Variants in PSMF1 observed in about 807,000 individuals in gnomAD.
PSMF1 encodes the protein proteasome inhibitor PI31 subunit.
Under a neutral mutation model 29.3 loss-of-function variants are expected in PSMF1, and 30 were observed. The observed-to-expected ratio is 1.02, with a 90% confidence interval of 0.77 to 1.39. The LOEUF is 1.39. Ranked by LOEUF, PSMF1 falls within the 40% of genes most tolerant of loss-of-function variation. The pLI, the probability that PSMF1 is intolerant of heterozygous loss-of-function variation, is 0.00. For missense variants in PSMF1, 344 were observed against 357.5 expected (o/e 0.96, Z 0.31); for synonymous variants, 134 against 139.7 (o/e 0.96, Z 0.29).
Position 1,164,578 on chromosome 20 carries a change from G to C in PSMF1, c.764+102G>C. On this transcript the variant is annotated intron_variant, in intron 6 of 6. Coordinates refer to ENST00000335877, the MANE Select transcript of PSMF1 (RefSeq NM_006814.5). This position sits in a 1 kb window ranked among gnomAD's most constrained non-coding sequence, Gnocchi z 4.1. ...TAGCCCCAGGCACAGAGCTGCCGCT[G>C]CCTTCACCTGTTGCTGCCAGGAGAG... 6.8e-7 allele frequency: 1 copy of C among 1,464,596 alleles called. No homozygotes were observed. Among genetic ancestry groups the C allele is most frequent in the Non-Finnish European group, 9.3e-7 (1 of 1,071,122 alleles). The allele number at this position is 1,464,596 out of a possible 1,614,324, so 90.7% of individuals were successfully genotyped here.
At chr20:1,129,320 T>C (rs889961139) in intron 3 of PSMF1, among the ~76,000 whole-genome samples, 4 of 152,210 alleles carry the variant, frequency 2.6e-5, no homozygotes, top group Non-Finnish European at 4.4e-5. Flanking sequence ...GGCATCACTA[T>C]AAATGCACAG....
rs1251006216 is a variant in PSMF1, at chr20:1,147,142, A to ATCG, written c.551+11838_551+11839insGTC. Among the ~76,000 whole-genome samples, 29 of 94,660 alleles carry ATCG rather than the reference A, an allele frequency of 3.1e-4. 1 individual carries two copies. The South Asian group carries it at 0.01, about 33-fold the overall frequency. The allele number at this position is 94,660 out of a possible 152,430, so 62.1% of individuals were successfully genotyped here. On this transcript the variant is annotated intron_variant, in intron 4 of 6. Coordinates refer to ENST00000335877, the MANE Select transcript of PSMF1 (RefSeq NM_006814.5). Reference sequence around the variant, plus strand: ...TATGGACATTGTTTCCGTTATCATCATCATCATCATCATCATCATCATCAT... The same window carrying ATCG: ...TATGGACATTGTTTCCGTTATCATCATCGTCATCATCATCATCATCATCATCAT...
rs2086787466 is a variant in PSMF1 at position 1,171,254 on chromosome 20, G to A, written c.*6174G>A. On this transcript the variant is annotated 3_prime_UTR_variant, in exon 7 of 7. Coordinates refer to ENST00000335877, the MANE Select transcript of PSMF1 (RefSeq NM_006814.5). ...GAGCACCTGGTTAGGAGGAGCATCT[G>A]AAACCACCTGCACAACCTCCATTCC... Among the ~76,000 whole-genome samples, 5 of 152,260 alleles carry A rather than the reference G, an allele frequency of 3.3e-5. 1 individual carries two copies. The South Asian group carries it at 1.0e-3, about 32-fold the overall frequency.
At chr20:1,157,560 A>G (rs937895398) in intron 4 of PSMF1, among the ~76,000 whole-genome samples, 1 of 146,170 alleles carries the variant, frequency 6.8e-6, no homozygotes, top group African/African-American at 2.6e-5. Context: ...TAAAGGAGAA[A>G]GGAAATAAAA....
In PSMF1 at chr20:1,165,204, C is replaced by G. The variant is rs1026085511; in HGVS notation, c.*124C>G. ...GGATTCTGCTCATGTGTTTGCAGACCGGCTGGGATAGCCTCCCCACCCCTT... is the reference window on the plus strand; with the variant it reads ...GGATTCTGCTCATGTGTTTGCAGACGGGCTGGGATAGCCTCCCCACCCCTT... On this transcript the variant is annotated 3_prime_UTR_variant, in exon 7 of 7. Coordinates refer to ENST00000335877, the MANE Select transcript of PSMF1 (RefSeq NM_006814.5). The G allele has an allele frequency of 3.9e-6, 6 of 1,533,066 alleles. No homozygotes were observed. The highest frequency in any genetic ancestry group is 5.3e-6 in the Non-Finnish European group (6 of 1,138,126). 95.0% of individuals were successfully genotyped at this position (1,533,066 alleles called of 1,614,324 possible). A position where few individuals can be genotyped will look rare whatever the true frequency, so the allele number is the denominator to read the frequency against.
In PSMF1 at chr20:1,123,989, C is replaced by A. The variant is rs140969750; in HGVS notation, c.130-1509C>A. On this transcript the variant is annotated intron_variant, in intron 1 of 6. Coordinates refer to ENST00000335877, the MANE Select transcript of PSMF1 (RefSeq NM_006814.5). ...TAGCCGCTCTTTTTCTTGTTCATAT[C>A]TTTTGCCACTTTTTGGAGTTCCCAA... Among the ~76,000 whole-genome samples the A allele has an allele frequency of 5.2e-3, 798 of 152,338 alleles. 2 individuals carry two copies. The highest frequency in any genetic ancestry group is 0.031 in the Middle Eastern group (9 of 294).
In PSMF1 at chr20:1,165,156, T is replaced by C. The variant is rs2086713681; in HGVS notation, c.*76T>C. On this transcript the variant is annotated 3_prime_UTR_variant, in exon 7 of 7. Coordinates refer to ENST00000335877, the MANE Select transcript of PSMF1 (RefSeq NM_006814.5). ...CCACCGCTGTCCCCATCAGCAACCA[T>C]GTTCTTGCAGGCTGGGGGCAAGGGA... 6.2e-7 allele frequency: 1 copy of C among 1,611,878 alleles called. No individual in the cohort carries two copies. The highest frequency in any genetic ancestry group is 1.3e-5 in the African/African-American group (1 of 75,014).
chr20:1,156,974 ATTAAC>A (rs1054185068), intron 4 of PSMF1, among the ~76,000 whole-genome samples: 1 of 152,212 alleles, frequency 6.6e-6, no homozygotes, highest in Non-Finnish European at 1.5e-5. Flanking sequence ...TTTATTAAGT[ATTAAC>A]TTATACGATC....
At chr20:1,147,158 TCATCATCATCATCATCATCAC>T (rs914139247) in intron 4 of PSMF1, among the ~76,000 whole-genome samples, 4 of 125,994 alleles carry the variant, frequency 3.2e-5, no homozygotes, top group African/African-American at 9.3e-5. Context: ...ATCATCATCA[TCATCATCATCATCATCATCAC>T]CACCCTGTGT....
chr20:1,114,501 TTGAACCAA>T (rs1036163924), upstream of PSMF1, among the ~76,000 whole-genome samples: 2 of 150,920 alleles, frequency 1.3e-5, no homozygotes, highest in Non-Finnish European at 3.0e-5. Flanking sequence ...CAAAGCAGTG[TTGAACCAA>T]GGGGTGGGGG....
chr20:1,164,037 A>G lies in PSMF1; in HGVS notation c.606-281A>G, dbSNP rs1396554740. Among the ~76,000 whole-genome samples the G allele has an allele frequency of 6.6e-6, 1 of 152,182 alleles. No homozygotes were observed. Among genetic ancestry groups the G allele is most frequent in the Non-Finnish European group, 1.5e-5 (1 of 68,030 alleles). On this transcript the variant is annotated intron_variant, in intron 5 of 6. Transcript: ENST00000335877. This position sits in a 1 kb window ranked among gnomAD's most constrained non-coding sequence, Gnocchi z 4.1. ...GGCCCTCTTGAGTATATGATATGGC[A>G]GGGATCTCAATTTTGAGGAGCCCTA...
rs369410487 is a variant in PSMF1, at chr20:1,164,170, G to A, written c.606-148G>A. On this transcript the variant is annotated intron_variant, in intron 5 of 6. Transcript: ENST00000335877. The surrounding 1 kb of genome is among the most constrained non-coding windows in gnomAD (Gnocchi z 4.1). ...GTGTTCTTGCCCTTGCCCACTTTCCGCTGGCTCTCAGGCAGCCATCCACAT... is the reference window on the plus strand; with the variant it reads ...GTGTTCTTGCCCTTGCCCACTTTCCACTGGCTCTCAGGCAGCCATCCACAT... 3.5e-5 allele frequency: 28 copies of A among 806,422 alleles called. No homozygotes were observed. The highest frequency in any genetic ancestry group is 2.5e-4 in the East Asian group (10 of 40,750). 50.0% of individuals were successfully genotyped at this position (806,422 alleles called of 1,614,324 possible).
intron 3 of PSMF1, among the ~76,000 whole-genome samples, chr20:1,130,637 G>GT (rs991915787): frequency 9.2e-5 from 14 of 151,998 alleles, no homozygotes; most frequent in South Asian, 8.3e-4. Context: ...TTAGTAAAAT[G>GT]TTTTTTTTGG....
rs144037041 is a variant in PSMF1 at position 1,164,500 on chromosome 20, G to A, written c.764+24G>A. 6.2e-6 allele frequency: 10 copies of A among 1,612,592 alleles called. No homozygotes were observed. In the Admixed American group the frequency reaches 1.0e-4, roughly 16 times the overall value. On this transcript the variant is annotated intron_variant, in intron 6 of 6. Coordinates refer to ENST00000335877, the MANE Select transcript of PSMF1 (RefSeq NM_006814.5). The surrounding 1 kb of genome is among the most constrained non-coding windows in gnomAD (Gnocchi z 4.1). ...GGGTACGTAGTCACTCAGGTATGCTGAGAAGTAGGACCTGATGGCAGCTTG... is the reference window on the plus strand; with the variant it reads ...GGGTACGTAGTCACTCAGGTATGCTAAGAAGTAGGACCTGATGGCAGCTTG...
In PSMF1 at chr20:1,118,608, C is replaced by G; in HGVS notation, c.-166C>G. 1.2e-6 allele frequency: 1 copy of G among 829,884 alleles called. No homozygotes were observed. Among genetic ancestry groups the G allele is most frequent in the Non-Finnish European group, 1.8e-6 (1 of 569,732 alleles). The allele number at this position is 829,884 out of a possible 1,614,324, so 51.4% of individuals were successfully genotyped here. A position where few individuals can be genotyped will look rare whatever the true frequency, so the allele number is the denominator to read the frequency against. ...CGCTGTTGGGACTACTTCCGGCTTC[C>G]CCGCCCCGCCCCGTCCCCGGGCGTC... On this transcript the variant is annotated 5_prime_UTR_variant, in exon 1 of 7. Transcript: ENST00000335877.
At chr20:1,122,271 T>C (rs962887748) in intron 1 of PSMF1, among the ~76,000 whole-genome samples, 3 of 148,538 alleles carry the variant, frequency 2.0e-5, no homozygotes, top group Non-Finnish European at 4.4e-5. Flanking sequence ...CCTTAGAGTT[T>C]TCTTTTCTTT....
chr20:1,128,797 T>G (rs919102204), intron 3 of PSMF1, among the ~76,000 whole-genome samples: 1 of 152,116 alleles, frequency 6.6e-6, no homozygotes, highest in African/African-American at 2.4e-5. Flanking sequence ...GTGTGACTGT[T>G]CAAGCAATTC....
At position 1,170,617 on chromosome 20, in the gene PSMF1, G is replaced by A. The variant is rs142676699; in HGVS notation, c.*5537G>A. Among the ~76,000 whole-genome samples, 6 of 152,088 alleles carry A rather than the reference G, an allele frequency of 3.9e-5. No individual in the cohort carries two copies. Among genetic ancestry groups the A allele is most frequent in the Non-Finnish European group, 5.9e-5 (4 of 68,024 alleles). On this transcript the variant is annotated 3_prime_UTR_variant, in exon 7 of 7. Transcript: ENST00000335877. ...GCAGGAGTCTCAGACTCAGTCAAGC[G>A]TGGTTACTCACAGCCCTCCCTTTCT...
intron 3 of PSMF1, among the ~76,000 whole-genome samples, chr20:1,134,541 G>C (rs1264312161): frequency 1.3e-5 from 2 of 152,130 alleles, no homozygotes; most frequent in Non-Finnish European, 2.9e-5. Flanking sequence ...TGCCCACTCT[G>C]TTACCTCAGC....
Sources: allele counts gnomAD v4.1 joint callset (sites outside exome capture counted in the v4.1 genomes callset), GRCh38; gene constraint gnomAD v4.1.1; non-coding constraint Gnocchi (gnomAD v3.1); transcripts MANE v1.5; gene names NCBI Gene and HGNC (gene_info 2026-07-23, HGNC 2026-07-21).